PCDHA5: variants seen among roughly 807,000 people sequenced by gnomAD.
PCDHA5 encodes protocadherin alpha-5.
In PCDHA5, 43 loss-of-function variants were observed where a neutral mutation model predicts 61.6. The ratio of observed to expected loss-of-function variants is 0.70; its 90% CI spans 0.55 to 0.90. The LOEUF (loss-of-function observed/expected upper bound fraction) is 0.90. Among genes scored for constraint, PCDHA5 ranks in the 40% least tolerant of loss-of-function variants. PCDHA5 has a pLI of 0.00. For synonymous variants in PCDHA5, 627 were observed against 543.9 expected, an observed-to-expected ratio of 1.15 and a Z score of -2.13; for missense variants, 1,298 against 1,222.7, an observed-to-expected ratio of 1.06 and a Z score of -0.92.
At position 140,963,599 on chromosome 5, in the gene PCDHA5, C is replaced by T. The variant is rs968307291; in HGVS notation, c.2353-15350C>T. On this transcript the variant is annotated intron_variant, in intron 1 of 3. Coordinates refer to ENST00000529859, the MANE Select transcript of PCDHA5 (RefSeq NM_018908.3). ...TCAAAATGTAGGATATAGTTCTAGA[C>T]GTAATTGGGAAAGCTTAACTTTGTT... Among the ~76,000 whole-genome samples, 9 of 152,254 alleles carry T rather than the reference C, an allele frequency of 5.9e-5. No individual in the cohort carries two copies. The South Asian group carries it at 1.0e-3, about 18-fold the overall frequency.
intron 3 of PCDHA5, among the ~76,000 whole-genome samples, chr5:140,988,308 G>A (rs75602297): frequency 6.6e-6 from 1 of 152,298 alleles, no homozygotes; most frequent in East Asian, 1.9e-4. Flanking sequence ...TGCCAGCTTG[G>A]CTTGGCTTTC....
chr5:140,943,603 G>A (rs1554215788), intron 1 of PCDHA5, among the ~76,000 whole-genome samples: 1 of 152,100 alleles, frequency 6.6e-6, no homozygotes, highest in African/African-American at 2.4e-5. Context: ...TCTAAATATA[G>A]ACTTTGATTC....
intron 1 of PCDHA5, chr5:140,827,983 T>C (rs1358516042): frequency 1.4e-6 from 2 of 1,436,802 alleles, no homozygotes; most frequent in Non-Finnish European, 1.9e-6. Context: ...TCCCTGACTG[T>C]TGAATGATGG....
intron 1 of PCDHA5, among the ~76,000 whole-genome samples, chr5:140,942,637 A>C (rs1175766630): frequency 6.6e-6 from 1 of 152,178 alleles, no homozygotes; most frequent in African/African-American, 2.4e-5. Context: ...AAAATGGCAA[A>C]AGAGATCTCA....
intron 1 of PCDHA5, chr5:140,871,163 GC>G: frequency 6.2e-7 from 1 of 1,613,476 alleles, no homozygotes; most frequent in Non-Finnish European, 8.5e-7. Context: ...GGCGCCGCGA[GC>G]CCAGAGGCTG....
chr5:140,822,922 C>T lies in PCDHA5; in HGVS notation c.1147C>T (p.Gln383Ter). 6.2e-7 allele frequency: 1 copy of T among 1,614,270 alleles called. No homozygotes were observed. The highest frequency in any genetic ancestry group is 1.1e-5 in the South Asian group (1 of 91,092). Residue 383 changes from glutamine (Q) to a stop codon, truncating the protein, a stop_gained, in exon 1 of 4, where the codon CAG becomes TAG. Transcript: ENST00000529859. LOFTEE classifies it high-confidence loss of function. ...VSDRDSGANG[Q>*]VTCSLMPHVP... Reference sequence around the variant, plus strand: ...TGACCGTGACTCAGGTGCCAACGGGCAGGTGACCTGCTCCCTAATGCCCCA... The same window carrying T: ...TGACCGTGACTCAGGTGCCAACGGGTAGGTGACCTGCTCCCTAATGCCCCA...
chr5:140,846,741 C>G (rs1466625417), intron 1 of PCDHA5, among the ~76,000 whole-genome samples: 1 of 149,290 alleles, frequency 6.7e-6, no homozygotes, highest in African/African-American at 2.5e-5. Flanking sequence ...AAATAGGACC[C>G]TTACAGATCT....
intron 1 of PCDHA5, chr5:140,836,186 A>C (rs2150254902): frequency 6.2e-7 from 1 of 1,613,806 alleles, no homozygotes; most frequent in Non-Finnish European, 8.5e-7. Context: ...ACGCTGACTC[A>C]GGCTACAACG....
At chr5:140,934,319 A>G (rs1292813425) in intron 1 of PCDHA5, among the ~76,000 whole-genome samples, 1 of 152,146 alleles carries the variant, frequency 6.6e-6, no homozygotes, top group Non-Finnish European at 1.5e-5. Context: ...CAAATGTCCA[A>G]TCATGAATGT....
chr5:141,006,429 G>C (rs541690957), intron 3 of PCDHA5, among the ~76,000 whole-genome samples: 7 of 152,004 alleles, frequency 4.6e-5, no homozygotes, highest in Non-Finnish European at 1.0e-4. Flanking sequence ...TAGCCAGGAT[G>C]GTCTCAATCT....
At chr5:140,831,310 A>G (rs1483260174) in intron 1 of PCDHA5, 1 of 152,080 alleles carries the variant, frequency 6.6e-6, no homozygotes, top group East Asian at 1.9e-4. Context: ...ATTTCTTTGT[A>G]TTAGTGTTTT....
chr5:140,835,703 C>G (rs2150242433), intron 1 of PCDHA5: 25 of 1,613,782 alleles, frequency 1.5e-5, no homozygotes, highest in African/African-American at 6.7e-5. Context: ...CCACTGCTAG[C>G]GTGTCCGTGG....
At chr5:140,966,264 G>C (rs959228779) in intron 1 of PCDHA5, 3 of 347,414 alleles carry the variant, frequency 8.6e-6, no homozygotes, top group Non-Finnish European at 1.5e-5. Flanking sequence ...GTGGAGACTG[G>C]ATGAACTGGA....
At chr5:140,835,036 G>A (rs1554134704) in intron 1 of PCDHA5, 16 of 1,285,586 alleles carry the variant, frequency 1.2e-5, no homozygotes, top group Non-Finnish European at 6.3e-6. Context: ...ACCGATGGAG[G>A]CAAACCCGAG....
intron 3 of PCDHA5, among the ~76,000 whole-genome samples, chr5:140,990,648 A>G (rs2097404919): frequency 2.0e-5 from 3 of 152,220 alleles, no homozygotes; most frequent in Admixed American, 1.3e-4. Flanking sequence ...CTCAGCCAGT[A>G]TGAATGATTT....
intron 1 of PCDHA5, chr5:140,968,323 C>T (rs1554230616): frequency 1.2e-6 from 2 of 1,614,114 alleles, no homozygotes; most frequent in East Asian, 2.2e-5. Flanking sequence ...TGCCAGTCAC[C>T]TCCTATGTCT....
At chr5:140,959,066 G>T (rs913581823) in intron 1 of PCDHA5, among the ~76,000 whole-genome samples, 81 of 152,142 alleles carry the variant, frequency 5.3e-4, no homozygotes, top group African/African-American at 1.9e-3. Flanking sequence ...AGTATATATA[G>T]AATTCAGTAT....
intron 2 of PCDHA5, among the ~76,000 whole-genome samples, chr5:140,982,032 C>G (rs1554243678): frequency 1.3e-5 from 2 of 152,162 alleles, no homozygotes; most frequent in Non-Finnish European, 2.9e-5. Flanking sequence ...GAACAATACT[C>G]CAATTATCAG....
chr5:140,843,048 C>T (rs1554139673), intron 1 of PCDHA5: 2 of 1,595,084 alleles, frequency 1.3e-6, no homozygotes, highest in Non-Finnish European at 1.7e-6. Context: ...ACTGGTGGCG[C>T]AGCGAGCAAG....
Sources: allele counts gnomAD v4.1 joint callset (sites outside exome capture counted in the v4.1 genomes callset), GRCh38; gene constraint gnomAD v4.1.1; transcripts MANE v1.5; gene names NCBI Gene and HGNC (gene_info 2026-07-23, HGNC 2026-07-21).